Variants in AFF3 observed in about 807,000 individuals in gnomAD.
The protein encoded by AFF3 is ALF transcription elongation factor 3.
In AFF3, 32 loss-of-function variants were observed where a neutral mutation model predicts 129.7. The observed-to-expected ratio is 0.25, with a 90% confidence interval of 0.19 to 0.33. The LOEUF (loss-of-function observed/expected upper bound fraction) is 0.33. Ranked by LOEUF, AFF3 falls within the 10% of genes least tolerant of loss-of-function variation. The pLI, the probability that AFF3 is intolerant of heterozygous loss-of-function variation, is 1.00. For synonymous variants in AFF3, 644 were observed against 635.4 expected (o/e 1.01, Z -0.20); for missense variants, 1,373 against 1,592.0 (o/e 0.86, Z 2.34).
chr2:99,889,445 C>T (rs1693374289), intron 7 of AFF3, among the ~76,000 whole-genome samples: 1 of 152,186 alleles, frequency 6.6e-6, no homozygotes, highest in Non-Finnish European at 1.5e-5. Context: ...ATCATGTTGA[C>T]ACATGCCATC....
intron 8 of AFF3, among the ~76,000 whole-genome samples, chr2:99,766,207 G>A (rs919885957): frequency 1.3e-5 from 2 of 152,232 alleles, no homozygotes; most frequent in African/African-American, 2.4e-5. Flanking sequence ...CAAAGTTCCC[G>A]GTCAGGTGGG....
intron 5 of AFF3, 80 bp downstream of exon 5, chr2:100,008,732 A>G (rs1682220220): frequency 1.3e-6 from 2 of 1,519,814 alleles, no homozygotes; most frequent in Non-Finnish European, 8.9e-7. Context: ...TGGTCGGCCA[A>G]TTCTTTTAGT....
intron 4 of AFF3, among the ~76,000 whole-genome samples, chr2:100,033,493 C>T (rs893540302): frequency 1.3e-5 from 2 of 152,126 alleles, no homozygotes; most frequent in African/African-American, 4.8e-5. Context: ...AACCATTTAC[C>T]AGATGGTAAA....
At chr2:99,857,788 G>A (rs1230440672) in intron 7 of AFF3, among the ~76,000 whole-genome samples, 2 of 151,978 alleles carry the variant, frequency 1.3e-5, no homozygotes, top group South Asian at 2.1e-4. Context: ...ATTTTTCCTT[G>A]ACTACCTTTA....
intron 12 of AFF3, among the ~76,000 whole-genome samples, chr2:99,657,397 T>G (rs1332056179): frequency 1.3e-5 from 2 of 152,200 alleles, no homozygotes; most frequent in Non-Finnish European, 2.9e-5. Flanking sequence ...TAGTCATTTT[T>G]GGGGAGTATG....
chr2:99,600,977 T>C (rs1443998969), intron 14 of AFF3, among the ~76,000 whole-genome samples: 1 of 152,192 alleles, frequency 6.6e-6, no homozygotes, highest in South Asian at 2.1e-4. Flanking sequence ...TAGCCCTTCT[T>C]CTTCTGATCC....
At chr2:99,554,790 A>C in intron 22 of AFF3, 58 bp from the exon 23 acceptor site, 1 of 1,597,578 alleles carries the variant, frequency 6.3e-7, no homozygotes, top group Non-Finnish European at 8.6e-7. Flanking sequence ...GAAACAGGTG[A>C]CATGAACGTG....
chr2:99,908,871 T>C (rs1241563095), intron 7 of AFF3, among the ~76,000 whole-genome samples: 2 of 152,200 alleles, frequency 1.3e-5, no homozygotes, highest in African/African-American at 2.4e-5. Flanking sequence ...TTTTACACTG[T>C]TGGTGGGACT....
chr2:99,627,522 T>C (rs532679634), intron 13 of AFF3, among the ~76,000 whole-genome samples: 8 of 152,306 alleles, frequency 5.3e-5, no homozygotes, highest in Admixed American at 4.6e-4. Context: ...ATTATGAAGG[T>C]TGTCTGTTTA....
At chr2:99,744,264 A>C (rs536633440) in intron 9 of AFF3, 124 bp from the exon 10 acceptor site, 1 of 742,244 alleles carries the variant, frequency 1.3e-6, no homozygotes, top group East Asian at 2.8e-5. Context: ...TCTATCAGCT[A>C]CTTTAATGAG....
chr2:99,769,660 G>A (rs1031095298), intron 8 of AFF3, among the ~76,000 whole-genome samples: 5 of 152,190 alleles, frequency 3.3e-5, no homozygotes, highest in South Asian at 4.1e-4. Flanking sequence ...CCAGGTATTT[G>A]AAATGACTTG....
intron 11 of AFF3, among the ~76,000 whole-genome samples, chr2:99,700,935 T>C (rs1384756742): frequency 6.6e-6 from 1 of 152,186 alleles, no homozygotes; most frequent in Admixed American, 6.5e-5. Flanking sequence ...GACGGTCACG[T>C]GTACTCAGGG....
intron 4 of AFF3, among the ~76,000 whole-genome samples, chr2:100,009,877 G>A (rs1378478902): frequency 6.6e-6 from 1 of 152,178 alleles, no homozygotes; most frequent in African/African-American, 2.4e-5. Flanking sequence ...CAATCAAAAA[G>A]AGCTTACAGA....
chr2:100,122,799 T>A (rs1692033418), intron 2 of AFF3, among the ~76,000 whole-genome samples: 1 of 152,206 alleles, frequency 6.6e-6, no homozygotes, highest in African/African-American at 2.4e-5. Context: ...CAATGCATAC[T>A]GGCAATGAGA....
At chr2:99,694,140 C>T (rs569356078) in intron 11 of AFF3, among the ~76,000 whole-genome samples, 8 of 151,886 alleles carry the variant, frequency 5.3e-5, no homozygotes, top group African/African-American at 1.4e-4. Context: ...TCAGGTGATC[C>T]GCCTGCCTCG....
At chr2:100,069,257 T>C (rs969893092) in intron 4 of AFF3, among the ~76,000 whole-genome samples, 6 of 152,050 alleles carry the variant, frequency 3.9e-5, no homozygotes, top group African/African-American at 1.5e-4. Context: ...TTTATTAGAA[T>C]CAAATGGGGA....
At chr2:99,623,740 T>C (rs1682281857) in intron 13 of AFF3, among the ~76,000 whole-genome samples, 1 of 152,186 alleles carries the variant, frequency 6.6e-6, no homozygotes, top group Non-Finnish European at 1.5e-5. Context: ...GGGTGCCATG[T>C]CTGGGCCTGT....
intron 10 of AFF3, among the ~76,000 whole-genome samples, chr2:99,733,154 C>A (rs542789266): frequency 2.0e-5 from 3 of 151,784 alleles, no homozygotes; most frequent in Non-Finnish European, 2.9e-5. Flanking sequence ...CCGAGGCAGG[C>A]GGATCATGAG....
At chr2:100,140,105 G>A (rs1308031968) in intron 1 of AFF3, among the ~76,000 whole-genome samples, 6 of 152,124 alleles carry the variant, frequency 3.9e-5, no homozygotes, top group Admixed American at 2.6e-4. Flanking sequence ...TACATGACTC[G>A]GAAATAATAT....
Sources: gnomAD v4.1 joint callset for allele counts (sites outside exome capture counted in the v4.1 genomes callset) on GRCh38, gnomAD v4.1.1 for gene constraint, MANE v1.5 for transcripts, NCBI Gene and HGNC (gene_info 2026-07-23, HGNC 2026-07-21) for gene names.